Variants in IGF1R observed in about 807,000 individuals in gnomAD.
IGF1R encodes insulin-like growth factor 1 receptor.
In IGF1R, 44 loss-of-function variants were observed where a neutral mutation model predicts 144.6. The ratio of observed to expected loss-of-function variants is 0.30; its 90% confidence interval spans 0.24 to 0.39. IGF1R has a LOEUF of 0.39. IGF1R is among the 10% of genes least tolerant of loss of function. The pLI, the probability that IGF1R is intolerant of heterozygous loss-of-function variation, is 1.00. For missense variants in IGF1R, 1,355 were observed against 1,833.7 expected, an observed-to-expected ratio of 0.74 and a Z score of 4.77; for synonymous variants, 795 against 722.8, an observed-to-expected ratio of 1.10 and a Z score of -1.60.
At chr15:98,787,140 T>C (rs760523323) in intron 2 of IGF1R, among the ~76,000 whole-genome samples, 116 of 152,274 alleles carry the variant, frequency 7.6e-4, no homozygotes, top group Middle Eastern at 3.4e-3. Context: ...AGAGCTTCTC[T>C]TTCTGGGCTC....
intron 20 of IGF1R, among the ~76,000 whole-genome samples, chr15:98,954,692 G>A (rs2016910783): frequency 6.6e-6 from 1 of 152,184 alleles, no homozygotes; most frequent in Non-Finnish European, 1.5e-5. Context: ...CATGCTCTTG[G>A]CCCAGTTACG....
intron 20 of IGF1R, among the ~76,000 whole-genome samples, chr15:98,949,988 A>C (rs2016712350): frequency 6.6e-6 from 1 of 152,162 alleles, no homozygotes; most frequent in South Asian, 2.1e-4. Context: ...CTTGCTTTTG[A>C]CATGCACTTT....
At chr15:98,805,103 T>C (rs1007928508) in intron 2 of IGF1R, among the ~76,000 whole-genome samples, 4 of 152,240 alleles carry the variant, frequency 2.6e-5, no homozygotes, top group African/African-American at 9.6e-5. Flanking sequence ...CATTCTCTTT[T>C]GGGAGTGGTT....
At chr15:98,883,059 T>C (rs181838275) in intron 2 of IGF1R, among the ~76,000 whole-genome samples, 1 of 152,350 alleles carries the variant, frequency 6.6e-6, no homozygotes, top group East Asian at 1.9e-4. Context: ...GACCATAAAG[T>C]GTTTCTTCTG....
intron 2 of IGF1R, among the ~76,000 whole-genome samples, chr15:98,745,958 G>A (rs944270598): frequency 6.6e-6 from 1 of 152,162 alleles, no homozygotes; most frequent in East Asian, 1.9e-4. Flanking sequence ...ATAGTAATAC[G>A]TTAGAAATAA....
At chr15:98,924,500 T>A (rs1371975295) in intron 12 of IGF1R, 25 bp from the exon 13 acceptor site, 73 of 1,613,322 alleles carry the variant, frequency 4.5e-5, no homozygotes, top group Non-Finnish European at 6.1e-5. Context: ...CATGGGAAAT[T>A]GACATGTATG....
chr15:98,704,669 A>AT lies in IGF1R; in HGVS notation c.95-2892dup, dbSNP rs1292384641. Among the ~76,000 whole-genome samples, 1 of 152,168 alleles carries AT rather than the reference A, an allele frequency of 6.6e-6. No individual in the cohort carries two copies. The highest frequency in any genetic ancestry group is 1.5e-5 in the Non-Finnish European group (1 of 68,040). On this transcript the variant is annotated intron_variant, in intron 1 of 20. Transcript: ENST00000650285. The surrounding 1 kb of genome is among the most constrained non-coding windows in gnomAD (Gnocchi z 4.9). The stretch of plus-strand genomic sequence containing the variant: ...CCAAGTACTGTTTTAGGCACTGGTG[A>AT]TATAATTGTGAACCAACTGGAGCTG...
At chr15:98,852,649 A>C (rs2011585194) in intron 2 of IGF1R, among the ~76,000 whole-genome samples, 1 of 152,164 alleles carries the variant, frequency 6.6e-6, no homozygotes, top group Non-Finnish European at 1.5e-5. Context: ...AACACATCCC[A>C]GCCCCGGGGC....
intron 5 of IGF1R, among the ~76,000 whole-genome samples, chr15:98,906,274 T>C (rs563075883): frequency 2.0e-5 from 3 of 152,374 alleles, no homozygotes; most frequent in East Asian, 1.9e-4. Flanking sequence ...AATTAGTTTA[T>C]GAAAAGAGGC....
At chr15:98,914,779 A>G (rs2015171423) in intron 8 of IGF1R, among the ~76,000 whole-genome samples, 1 of 152,218 alleles carries the variant, frequency 6.6e-6, no homozygotes, top group Non-Finnish European at 1.5e-5. Flanking sequence ...CCTTACACGC[A>G]GCGGAGACAG....
At chr15:98,728,231 A>G (rs2054412550) in intron 2 of IGF1R, among the ~76,000 whole-genome samples, 1 of 152,088 alleles carries the variant, frequency 6.6e-6, no homozygotes, top group South Asian at 2.1e-4. Context: ...GATGTGTCCT[A>G]GGAGAAATCA....
At chr15:98,955,551 TGTGGAGACGCAGGCCCCC>T (rs1375999827) in intron 20 of IGF1R, among the ~76,000 whole-genome samples, 1 of 152,202 alleles carries the variant, frequency 6.6e-6, no homozygotes, top group Non-Finnish European at 1.5e-5. Flanking sequence ...GGTTAGGCCC[TGTGGAGACGCAGGCCCCC>T]GGGCTCTAGA....
intron 2 of IGF1R, among the ~76,000 whole-genome samples, chr15:98,728,177 A>G (rs1034273505): frequency 6.6e-6 from 1 of 152,062 alleles, no homozygotes; most frequent in Admixed American, 6.5e-5. Context: ...CTGGATCTGT[A>G]AACACACCCC....
At chr15:98,912,460 T>C (rs1382375652) in intron 7 of IGF1R, among the ~76,000 whole-genome samples, 1 of 152,232 alleles carries the variant, frequency 6.6e-6, no homozygotes, top group Admixed American at 6.5e-5. Context: ...TACCCAACCA[T>C]GCATCTGTGC....
Position 98,755,718 on chromosome 15 carries a change from C to CAAAAA in IGF1R, c.640+47642_640+47646dup, listed in dbSNP as rs56121011. 3.2e-4 allele frequency among the ~76,000 whole-genome samples: 11 copies of CAAAAA among 34,500 alleles called. 2 individuals are homozygous for CAAAAA. The highest frequency in any genetic ancestry group is 1.1e-3 in the Admixed American group (2 of 1,812). The allele number at this position is 34,500 out of a possible 152,430, so 22.6% of individuals were successfully genotyped here. A position where few individuals can be genotyped will look rare whatever the true frequency, so the allele number is the denominator to read the frequency against. ...TGAATGACAGAGCAAAACTCCATTG[C>CAAAAA]AAAAAAAAAAAAAAAAAAAAAAAAA... On this transcript the variant is annotated intron_variant, in intron 2 of 20. Transcript: ENST00000650285.
At chr15:98,696,881 G>A (rs2053608045) in intron 1 of IGF1R, among the ~76,000 whole-genome samples, 1 of 152,146 alleles carries the variant, frequency 6.6e-6, no homozygotes, top group African/African-American at 2.4e-5. Flanking sequence ...CTGTGGGTGT[G>A]GATGGAGAAA....
chr15:98,946,502 C>T (rs996727088), intron 19 of IGF1R, among the ~76,000 whole-genome samples: 1 of 152,094 alleles, frequency 6.6e-6, no homozygotes, highest in Non-Finnish European at 1.5e-5. Flanking sequence ...CAAGCAGGAT[C>T]CTGCACACTC....
At chr15:98,700,893 G>T (rs923937306) in intron 1 of IGF1R, among the ~76,000 whole-genome samples, 9 of 152,034 alleles carry the variant, frequency 5.9e-5, no homozygotes, top group Non-Finnish European at 1.0e-4. Flanking sequence ...TATGTTCCCA[G>T]GGTTCTGTCT....
chr15:98,663,028 C>A (rs1049614866), intron 1 of IGF1R, among the ~76,000 whole-genome samples: 1 of 152,050 alleles, frequency 6.6e-6, no homozygotes, highest in Non-Finnish European at 1.5e-5. Flanking sequence ...GATAGACACC[C>A]CGGTGTGAGC....
Sources: gnomAD v4.1 joint callset for allele counts (sites outside exome capture counted in the v4.1 genomes callset) on GRCh38, gnomAD v4.1.1 for gene constraint, Gnocchi (gnomAD v3.1) non-coding constraint, MANE v1.5 for transcripts, NCBI Gene and HGNC (gene_info 2026-07-23, HGNC 2026-07-21) for gene names.